CCDC178: variants seen among roughly 807,000 people sequenced by gnomAD.
CCDC178 encodes coiled-coil domain containing 178.
In CCDC178, 126 loss-of-function variants were observed where a neutral mutation model predicts 117.4. The observed-to-expected ratio is 1.07, with a 90% CI of 0.93 to 1.24. CCDC178 has a LOEUF of 1.24. Among genes scored for constraint, CCDC178 ranks in the 50% most tolerant of loss-of-function variants. The pLI is 0.00. For missense variants in CCDC178, 1,030 were observed against 986.9 expected, an observed-to-expected ratio of 1.04 and a Z score of -0.59; for synonymous variants, 283 against 313.4, an observed-to-expected ratio of 0.90 and a Z score of 1.02.
At chr18:33,352,902 G>A (rs1005739139) in intron 7 of CCDC178, among the ~76,000 whole-genome samples, 10 of 152,032 alleles carry the variant, frequency 6.6e-5, no homozygotes, top group African/African-American at 2.4e-4. Context: ...GTTAAGTGGA[G>A]TATTCTGTAT....
At chr18:33,104,536 G>T (rs992060532) in intron 20 of CCDC178, among the ~76,000 whole-genome samples, 3 of 151,448 alleles carry the variant, frequency 2.0e-5, no homozygotes, top group African/African-American at 7.3e-5. Flanking sequence ...AGGTCCTCTT[G>T]TCACTCCTGA....
At chr18:33,052,661 G>A (rs2056765711) in intron 21 of CCDC178, among the ~76,000 whole-genome samples, 1 of 152,188 alleles carries the variant, frequency 6.6e-6, no homozygotes, top group South Asian at 2.1e-4. Flanking sequence ...TTTTTGAAAT[G>A]AATAGCTCCT....
chr18:33,303,149 C>A (rs2144915977), intron 11 of CCDC178, among the ~76,000 whole-genome samples: 1 of 152,140 alleles, frequency 6.6e-6, no homozygotes, highest in Non-Finnish European at 1.5e-5. Flanking sequence ...ATATGTCAAT[C>A]TTTAAAGTTT....
chr18:32,999,579 T>G (rs2055589937), intron 21 of CCDC178, among the ~76,000 whole-genome samples: 1 of 152,122 alleles, frequency 6.6e-6, no homozygotes, highest in African/African-American at 2.4e-5. Flanking sequence ...GTGGTCCCAG[T>G]GGTGGTGGCC....
intron 15 of CCDC178, among the ~76,000 whole-genome samples, chr18:33,238,088 T>C (rs1358535176): frequency 6.6e-6 from 1 of 152,174 alleles, no homozygotes; most frequent in Non-Finnish European, 1.5e-5. Context: ...CATTACTGTA[T>C]CCACCTGGGA....
intron 21 of CCDC178, among the ~76,000 whole-genome samples, chr18:33,061,183 T>G (rs2056914727): frequency 6.6e-6 from 1 of 152,108 alleles, no homozygotes; most frequent in South Asian, 2.1e-4. Context: ...ATTTCTAGTA[T>G]TTTTTCACTA....
chr18:33,011,108 G>A (rs759595285), intron 21 of CCDC178, among the ~76,000 whole-genome samples: 2 of 152,040 alleles, frequency 1.3e-5, no homozygotes, highest in Non-Finnish European at 2.9e-5. Flanking sequence ...CAGCATAATC[G>A]TCAAAGCCTC....
chr18:33,023,265 A>C (rs2056158783), intron 21 of CCDC178, among the ~76,000 whole-genome samples: 1 of 152,152 alleles, frequency 6.6e-6, no homozygotes, highest in African/African-American at 2.4e-5. Flanking sequence ...ATTCCATCCA[A>C]CAATAGCAGA....
At chr18:33,390,452 T>C (rs1030695190) in intron 4 of CCDC178, among the ~76,000 whole-genome samples, 5 of 152,018 alleles carry the variant, frequency 3.3e-5, no homozygotes, top group South Asian at 2.1e-4. Flanking sequence ...AGCAGAAAAA[T>C]AGATTTAAAT....
In CCDC178 at chr18:33,364,727, C is replaced by T. The variant is rs574439340; in HGVS notation, c.348+5323G>A. On this transcript the variant is annotated intron_variant, in intron 6 of 22. Transcript: ENST00000383096. ...CAACAGTTTGAAGCATTTCTGTTGT[C>T]GCTCCTTTTTTTTTTTTTTTTTTGC... Among the ~76,000 whole-genome samples the T allele has an allele frequency of 5.3e-5, 7 of 133,310 alleles. No individual in the cohort carries two copies. The South Asian group carries it at 1.2e-3, about 23-fold the overall frequency. 87.5% of individuals were successfully genotyped at this position (133,310 alleles called of 152,430 possible).
chr18:33,348,032 T>C (rs1216973037), intron 8 of CCDC178, among the ~76,000 whole-genome samples: 2 of 152,144 alleles, frequency 1.3e-5, no homozygotes, highest in South Asian at 2.1e-4. Context: ...TTGTAGCTAA[T>C]GGAATTGTAG....
chr18:33,207,770 A>C (rs146342738), intron 20 of CCDC178, among the ~76,000 whole-genome samples: 1 of 152,230 alleles, frequency 6.6e-6, no homozygotes, highest in East Asian at 1.9e-4. Flanking sequence ...TATTAGCAGT[A>C]ATTCTGCCAC....
At chr18:33,086,945 T>C (rs2057387364) in intron 21 of CCDC178, among the ~76,000 whole-genome samples, 1 of 142,576 alleles carries the variant, frequency 7.0e-6, no homozygotes, top group African/African-American at 2.7e-5. Context: ...AGATATTCCT[T>C]TGGGAACAAA....
At chr18:33,242,515 G>A (rs545130120) in intron 15 of CCDC178, among the ~76,000 whole-genome samples, 1 of 151,038 alleles carries the variant, frequency 6.6e-6, no homozygotes, top group Admixed American at 6.6e-5. Flanking sequence ...TGCAACAGGG[G>A]ATTAATATCC....
At chr18:33,428,730 C>CAAAAAAAAAAAAAAA (rs35234261) in intron 2 of CCDC178, among the ~76,000 whole-genome samples, 6 of 42,310 alleles carry the variant, frequency 1.4e-4, no homozygotes, top group Non-Finnish European at 1.3e-4. Flanking sequence ...GACTCTGTCT[C>CAAAAAAAAAAAAAAA]AAAAAAAAAA....
chr18:33,027,545 T>C (rs2056253658), intron 21 of CCDC178, among the ~76,000 whole-genome samples: 1 of 151,644 alleles, frequency 6.6e-6, no homozygotes. Flanking sequence ...ATCAGAAATA[T>C]ATATCATAAA....
chr18:33,106,518 G>T (rs1440596942), intron 20 of CCDC178, among the ~76,000 whole-genome samples: 2 of 151,628 alleles, frequency 1.3e-5, no homozygotes, highest in Admixed American at 6.6e-5. Context: ...ACATTATTTT[G>T]AATAGGAACA....
intron 10 of CCDC178, among the ~76,000 whole-genome samples, chr18:33,329,836 T>C (rs1038191352): frequency 6.6e-6 from 1 of 151,526 alleles, no homozygotes; most frequent in Non-Finnish European, 1.5e-5. Flanking sequence ...CCTCTTCCTC[T>C]TTTCCTTTTG....
At chr18:33,376,480 C>T (rs2063367959) in intron 5 of CCDC178, among the ~76,000 whole-genome samples, 1 of 152,124 alleles carries the variant, frequency 6.6e-6, no homozygotes, top group African/African-American at 2.4e-5. Flanking sequence ...TCAGGGAATG[C>T]ATATGCAGGT....
Sources: gnomAD v4.1 joint callset for allele counts (sites outside exome capture counted in the v4.1 genomes callset) on GRCh38, gnomAD v4.1.1 for gene constraint, MANE v1.5 for transcripts, NCBI Gene and HGNC (gene_info 2026-07-23, HGNC 2026-07-21) for gene names.